EDA: variants seen among roughly 807,000 people sequenced by gnomAD.
The protein encoded by EDA is ectodysplasin A.
A neutral mutation model predicts 23.6 loss-of-function variants in EDA; 2 were observed. The observed-to-expected ratio is 0.08, with a 90% CI of 0.03 to 0.27. EDA has a LOEUF of 0.27. EDA is among the 10% of genes least tolerant of loss of function. The pLI is 1.00. For missense variants in EDA, 229 were observed against 324.2 expected, an observed-to-expected ratio of 0.71 and a Z score of 2.26; for synonymous variants, 131 against 132.0, an observed-to-expected ratio of 0.99 and a Z score of 0.05.
intron 1 of EDA, among the ~76,000 whole-genome samples, chrX:69,785,088 C>CT (rs2147455717): frequency 9.6e-6 from 1 of 104,223 alleles, no homozygotes; most frequent in South Asian, 4.4e-4. Context: ...ATTTGGCTCT[C>CT]TGTTTGTCTG....
chrX:69,662,488 T>C (rs776315947), intron 1 of EDA, among the ~76,000 whole-genome samples: 1 of 112,446 alleles, frequency 8.9e-6, no homozygotes, highest in South Asian at 3.7e-4. Context: ...CTCCCAGCCA[T>C]GTGAAACTGT....
At chrX:69,928,907 T>C (rs746469567) in intron 1 of EDA, among the ~76,000 whole-genome samples, 2 of 111,939 alleles carry the variant, frequency 1.8e-5, no homozygotes, top group Non-Finnish European at 3.8e-5. Flanking sequence ...GCAGGATCTT[T>C]GTTGATTCAA....
intron 1 of EDA, among the ~76,000 whole-genome samples, chrX:69,752,272 A>C (rs758705501): frequency 1.8e-5 from 2 of 111,461 alleles, no homozygotes; most frequent in African/African-American, 6.5e-5. Context: ...GTTTATTGAG[A>C]GTTTTTAGCA....
chrX:69,854,683 A>AC (rs2147583064), intron 1 of EDA, among the ~76,000 whole-genome samples: 1 of 112,584 alleles, frequency 8.9e-6, no homozygotes, highest in South Asian at 3.7e-4. Context: ...TATAGATACC[A>AC]CATTTTCTTT....
At chrX:70,035,250 G>C in intron 7 of EDA, 108 bp from the exon 8 acceptor site, 2 of 935,692 alleles carry the variant, frequency 2.1e-6, no homozygotes, top group Non-Finnish European at 3.0e-6. Flanking sequence ...CCATCCATGG[G>C]GTATACTAAC....
chrX:69,634,562 G>A (rs1024541771), intron 1 of EDA, among the ~76,000 whole-genome samples: 2 of 110,332 alleles, frequency 1.8e-5, no homozygotes, highest in African/African-American at 3.3e-5. Flanking sequence ...CAAGTGATTC[G>A]CCCACCTCGG....
At chrX:69,890,751 G>A (rs983775897) in intron 1 of EDA, among the ~76,000 whole-genome samples, 5 of 111,447 alleles carry the variant, frequency 4.5e-5, no homozygotes, top group African/African-American at 1.3e-4. Context: ...AACATCAACT[G>A]AGGATGAATT....
At chrX:69,966,795 A>C (rs1364770037) in intron 2 of EDA, among the ~76,000 whole-genome samples, 1 of 109,869 alleles carries the variant, frequency 9.1e-6, no homozygotes, top group African/African-American at 3.3e-5. Flanking sequence ...AATGAGTTCT[A>C]TGTAGTTCTG....
intron 1 of EDA, among the ~76,000 whole-genome samples, chrX:69,644,025 T>C (rs1932873757): frequency 8.9e-6 from 1 of 111,805 alleles, no homozygotes; most frequent in African/African-American, 3.2e-5. Context: ...TAGTTTGAAG[T>C]TGGATAGCAT....
intron 1 of EDA, among the ~76,000 whole-genome samples, chrX:69,626,191 T>A (rs1200169717): frequency 8.9e-6 from 1 of 111,824 alleles, no homozygotes; most frequent in Non-Finnish European, 1.9e-5. Flanking sequence ...ATGGAAACTC[T>A]CATACATTGC....
intron 1 of EDA, among the ~76,000 whole-genome samples, chrX:69,819,556 A>C (rs1364806107): frequency 7.1e-5 from 8 of 112,043 alleles, no homozygotes; most frequent in Non-Finnish European, 1.5e-4. Flanking sequence ...ATGTACAAAA[A>C]TCACCAGCAT....
chrX:69,702,272 G>T (rs774542691), intron 1 of EDA, among the ~76,000 whole-genome samples: 2 of 111,000 alleles, frequency 1.8e-5, no homozygotes, highest in Non-Finnish European at 1.9e-5. Flanking sequence ...GAAGCCGGAA[G>T]TGGTTCTTGC....
chrX:69,826,799 G>T (rs1482378601), intron 1 of EDA, among the ~76,000 whole-genome samples: 1 of 110,570 alleles, frequency 9.0e-6, no homozygotes, highest in Non-Finnish European at 1.9e-5. Flanking sequence ...TAGTCTCGAT[G>T]GTCTTTACAT....
chrX:69,895,845 A>C (rs1216602542), intron 1 of EDA, among the ~76,000 whole-genome samples: 1 of 112,352 alleles, frequency 8.9e-6, no homozygotes, highest in Non-Finnish European at 1.9e-5. Context: ...AATCTCCCTG[A>C]GTATAATTCA....
At chrX:69,775,438 A>C (rs1350958394) in intron 1 of EDA, among the ~76,000 whole-genome samples, 1 of 111,940 alleles carries the variant, frequency 8.9e-6, no homozygotes, top group East Asian at 2.8e-4. Flanking sequence ...TGTAACTCAA[A>C]TATTTATATA....
chrX:70,022,572 G>T (rs56389868), intron 2 of EDA, among the ~76,000 whole-genome samples: 1 of 109,939 alleles, frequency 9.1e-6, no homozygotes, highest in Non-Finnish European at 1.9e-5. Context: ...TCCTGACCTC[G>T]TGATCCACCC....
chrX:69,862,394 A>G (rs1459249866), intron 1 of EDA, among the ~76,000 whole-genome samples: 1 of 111,937 alleles, frequency 8.9e-6, no homozygotes, highest in Non-Finnish European at 1.9e-5. Context: ...CACATTCAAG[A>G]GGGAAATTAG....
At chrX:69,898,718 A>G (rs2018056029) in intron 1 of EDA, among the ~76,000 whole-genome samples, 1 of 112,725 alleles carries the variant, frequency 8.9e-6, no homozygotes, top group Admixed American at 9.4e-5. Flanking sequence ...TAAAATAAAA[A>G]TAAGTGTTAT....
intron 1 of EDA, among the ~76,000 whole-genome samples, chrX:69,637,845 C>T (rs746437507): frequency 5.4e-4 from 60 of 110,732 alleles, no homozygotes; most frequent in African/African-American, 2.0e-3. Context: ...CTAATCATTA[C>T]TGTGCTGTAC....
Sources: gnomAD v4.1 joint callset for allele counts (sites outside exome capture counted in the v4.1 genomes callset) on GRCh38, gnomAD v4.1.1 for gene constraint, MANE v1.5 for transcripts, NCBI Gene and HGNC (gene_info 2026-07-23, HGNC 2026-07-21) for gene names.